Variants in SUPT5H observed in about 807,000 individuals in gnomAD.
SUPT5H encodes SPT5 homolog, DSIF elongation factor subunit, also known as transcription elongation factor SPT5.
Under a neutral mutation model 142.5 loss-of-function variants are expected in SUPT5H, and 24 were observed. That is an observed-to-expected ratio of 0.17 (90% confidence interval 0.12 to 0.24). The LOEUF is 0.24. Ranked by LOEUF, SUPT5H falls within the 10% of genes least tolerant of loss-of-function variation. The pLI is 1.00. For synonymous variants in SUPT5H, 546 were observed against 553.0 expected (o/e 0.99, Z 0.18); for missense variants, 893 against 1,471.8 (o/e 0.61, Z 6.43).
At chr19:39,475,594 G>A (rs1244709357) in intron 28 of SUPT5H, among the ~76,000 whole-genome samples, 4 of 152,128 alleles carry the variant, frequency 2.6e-5, no homozygotes, top group Admixed American at 1.3e-4. Flanking sequence ...TGGGACCCCA[G>A]GGGGAGGTTG....
rs143223072 is a variant in SUPT5H at position 39,458,341 on chromosome 19, T to G, written c.319+36T>G. The stretch of plus-strand genomic sequence containing the variant: ...GAAAAGTGTGATTCCCTGACCTTCC[T>G]CCCATATCCTGACATTTCCTCCTTC... On this transcript the variant is annotated intron_variant, in intron 5 of 29. Coordinates refer to ENST00000432763, the MANE Select transcript of SUPT5H (RefSeq NM_001111020.3). This position sits in a 1 kb window ranked among gnomAD's most constrained non-coding sequence, Gnocchi z 4.2. 473 of 1,394,716 alleles carry G rather than the reference T, an allele frequency of 3.4e-4. 2 individuals carry two copies. The East Asian group carries it at 0.016, about 47-fold the overall frequency. 86.4% of individuals were successfully genotyped at this position (1,394,716 alleles called of 1,614,324 possible).
chr19:39,470,379 GA>G lies in SUPT5H; in HGVS notation c.1535del (p.Lys512ArgfsTer42). ...LFSDLTMHEL[K>X]VLPRDLQLCS... ...ACCCCTTTCACCATCCCTGGCAGCT[GA>G]AGGTGCTCCCCCGGGACCTGCAGCT... On this transcript the variant is annotated frameshift_variant, in exon 18 of 30. Coordinates refer to ENST00000432763, the MANE Select transcript of SUPT5H (RefSeq NM_001111020.3). LOFTEE classifies it high-confidence loss of function. This position sits in a 1 kb window ranked among gnomAD's most constrained non-coding sequence, Gnocchi z 5.8. 1 of 1,564,428 alleles carries G rather than the reference GA, an allele frequency of 6.4e-7. No individual in the cohort carries two copies. The highest frequency in any genetic ancestry group is 8.7e-7 in the Non-Finnish European group (1 of 1,152,630).
rs747295729 is a variant in SUPT5H at position 39,461,821 on chromosome 19, CAAA to C, written c.624+1878_624+1880del. Among the ~76,000 whole-genome samples the C allele has an allele frequency of 3.5e-3, 445 of 128,394 alleles. 1 individual carries two copies. Among genetic ancestry groups the C allele is most frequent in the African/African-American group, 0.012 (421 of 36,262 alleles). The allele number at this position is 128,394 out of a possible 152,430, so 84.2% of individuals were successfully genotyped here. On this transcript the variant is annotated intron_variant, in intron 10 of 29. Coordinates refer to ENST00000432763, the MANE Select transcript of SUPT5H (RefSeq NM_001111020.3). The stretch of plus-strand genomic sequence containing the variant: ...CCTGGGCAACAGAGCGAGACTGTCT[CAAA>C]AAAAAAAAAAAAAAAATAATAATAA...
At chr19:39,467,101 G>A (rs1294770282) in intron 13 of SUPT5H, 1 of 170,270 alleles carries the variant, frequency 5.9e-6, no homozygotes, top group Non-Finnish European at 1.3e-5. Context: ...AGATTGATGA[G>A]GCTGGGCGTG....
chr19:39,460,513 A>C (rs1052251612), intron 10 of SUPT5H, among the ~76,000 whole-genome samples: 1 of 152,160 alleles, frequency 6.6e-6, no homozygotes, highest in Non-Finnish European at 1.5e-5. Context: ...TGAGGCAGGC[A>C]GATCACTTGA....
In SUPT5H at chr19:39,472,859, C is replaced by T. The variant is rs956713222; in HGVS notation, c.2085C>T (p.Ser695=). 1 of 1,613,736 alleles carries T rather than the reference C, an allele frequency of 6.2e-7. No individual in the cohort carries two copies. The highest frequency in any genetic ancestry group is 1.3e-5 in the African/African-American group (1 of 75,038). The change falls in exon 22 of 30, where the codon AGC becomes AGT. Residue 695 remains serine (S), a synonymous_variant. Coordinates refer to ENST00000432763, the MANE Select transcript of SUPT5H (RefSeq NM_001111020.3). The surrounding 1 kb of genome is among the most constrained non-coding windows in gnomAD (Gnocchi z 4.2). The part of the protein sequence containing the change: ...GSPGGGSGGM[S]RGRGRRDNEL... ...CAGGTGGCGGCAGTGGTGGCATGAG[C>T]AGGGGCCGGGGCCGGAGGGACAACG...
chr19:39,474,812 G>A lies in SUPT5H; in HGVS notation c.3024+94G>A. On this transcript the variant is annotated intron_variant, in intron 28 of 29. Transcript: ENST00000432763. The surrounding 1 kb of genome is among the most constrained non-coding windows in gnomAD (Gnocchi z 6.5). ...CCTGTCCCCAGATGGTGACAGCCCA[G>A]AGTGGGCAGAGCTGGGATTGAGGAA... 7.2e-7 allele frequency: 1 copy of A among 1,384,384 alleles called. No individual in the cohort carries two copies. The highest frequency in any genetic ancestry group is 9.9e-7 in the Non-Finnish European group (1 of 1,009,044). 85.8% of individuals were successfully genotyped at this position (1,384,384 alleles called of 1,614,324 possible).
At chr19:39,461,027 A>G (rs2079154027) in intron 10 of SUPT5H, among the ~76,000 whole-genome samples, 1 of 152,150 alleles carries the variant, frequency 6.6e-6, no homozygotes, top group Non-Finnish European at 1.5e-5. Context: ...CTGAATCTCC[A>G]GCACTTAGGG....
At chr19:39,448,287 A>G (rs571532216) in intron 2 of SUPT5H, among the ~76,000 whole-genome samples, 249 of 152,294 alleles carry the variant, frequency 1.6e-3, no homozygotes, top group Non-Finnish European at 1.7e-3. Flanking sequence ...TTGATTGCCA[A>G]TCTTTATTGT....
At chr19:39,460,514 G>C (rs1243426977) in intron 10 of SUPT5H, among the ~76,000 whole-genome samples, 1 of 152,196 alleles carries the variant, frequency 6.6e-6, no homozygotes, top group Non-Finnish European at 1.5e-5. Flanking sequence ...GAGGCAGGCA[G>C]ATCACTTGAG....
At position 39,470,802 on chromosome 19, in the gene SUPT5H, G is replaced by A. The variant is rs570761495; in HGVS notation, c.1677+279G>A. On this transcript the variant is annotated intron_variant, in intron 18 of 29. Coordinates refer to ENST00000432763, the MANE Select transcript of SUPT5H (RefSeq NM_001111020.3). The surrounding 1 kb of genome is among the most constrained non-coding windows in gnomAD (Gnocchi z 5.8). ...ATCTGTACCCTGGTGGCTGTTGCTCGCTCAAGGATGGAGTGCCACATGTGC... is the reference window on the plus strand; with the variant it reads ...ATCTGTACCCTGGTGGCTGTTGCTCACTCAAGGATGGAGTGCCACATGTGC... 6.6e-6 allele frequency among the ~76,000 whole-genome samples: 1 copy of A among 152,242 alleles called. No homozygotes were observed. The highest frequency in any genetic ancestry group is 2.4e-5 in the African/African-American group (1 of 41,528).
chr19:39,458,466 A>G lies in SUPT5H; in HGVS notation c.319+161A>G. 1.5e-6 allele frequency: 2 copies of G among 1,295,538 alleles called. No individual in the cohort carries two copies. The highest frequency in any genetic ancestry group is 2.1e-6 in the Non-Finnish European group (2 of 939,972). The allele number at this position is 1,295,538 out of a possible 1,614,324, so 80.3% of individuals were successfully genotyped here. On this transcript the variant is annotated intron_variant, in intron 5 of 29. Transcript: ENST00000432763. The surrounding 1 kb of genome is among the most constrained non-coding windows in gnomAD (Gnocchi z 4.2). ...TCCAGAGTCAGGGAGTTCTGGGGCC[A>G]GGTATACCCCAGTTGTTGACCTGGG...
At chr19:39,462,871 G>A (rs138522721) in intron 10 of SUPT5H, among the ~76,000 whole-genome samples, 9,056 of 115,554 alleles carry the variant, frequency 0.078, 413 homozygotes, top group Middle Eastern at 0.13. Context: ...ACAGAGTCTC[G>A]CACCGTTGCC....
At chr19:39,449,351 A>G (rs4803238) in intron 2 of SUPT5H, among the ~76,000 whole-genome samples, 52,544 of 151,820 alleles carry the variant, frequency 0.35, 9,349 homozygotes, top group Middle Eastern at 0.49. Context: ...CAAGGTTCCT[A>G]GAAATCAGCC....
At chr19:39,455,760 T>A (rs1474424199) in intron 3 of SUPT5H, among the ~76,000 whole-genome samples, 1 of 150,596 alleles carries the variant, frequency 6.6e-6, no homozygotes, top group Non-Finnish European at 1.5e-5. Flanking sequence ...GTAGCTGGGA[T>A]TACAGGTGCC....
Position 39,476,416 on chromosome 19 carries a change from G to A in SUPT5H, c.*17G>A, listed in dbSNP as rs1333784245. ...GAAGCCTGAAGCAGGCAGGGCCGGT[G>A]GACTTCGTCGGATGAAGAGTGATCC... On this transcript the variant is annotated 3_prime_UTR_variant, in exon 30 of 30. Transcript: ENST00000432763. 2 of 1,613,562 alleles carry A rather than the reference G, an allele frequency of 1.2e-6. No individual in the cohort carries two copies. The highest frequency in any genetic ancestry group is 1.1e-5 in the South Asian group (1 of 91,066).
At chr19:39,460,220 G>A (rs1167819006) in intron 10 of SUPT5H, 9 of 483,444 alleles carry the variant, frequency 1.9e-5, no homozygotes, top group African/African-American at 1.8e-4. Flanking sequence ...CTAGCTTCCT[G>A]CACCTTTTCT....
At position 39,473,633 on chromosome 19, in the gene SUPT5H, T is replaced by A; in HGVS notation, c.2492+112T>A. The A allele has an allele frequency of 8.0e-7, 1 of 1,252,302 alleles. No homozygotes were observed. The highest frequency in any genetic ancestry group is 1.1e-6 in the Non-Finnish European group (1 of 912,028). The allele number at this position is 1,252,302 out of a possible 1,614,324, so 77.6% of individuals were successfully genotyped here. ...GGGCCCACCCAGCATTCTCTGCTCC[T>A]AGCCTCAGGCTGGTCCCTTTGAAGG... On this transcript the variant is annotated intron_variant, in intron 25 of 29. Transcript: ENST00000432763. The surrounding 1 kb of genome is among the most constrained non-coding windows in gnomAD (Gnocchi z 5.8).
Position 39,472,352 on chromosome 19 carries a change from G to A in SUPT5H, c.1951-57G>A, listed in dbSNP as rs2079332477. The A allele has an allele frequency of 3.2e-6, 5 of 1,554,856 alleles. No homozygotes were observed. The highest frequency in any genetic ancestry group is 4.4e-6 in the Non-Finnish European group (5 of 1,128,082). On this transcript the variant is annotated intron_variant, in intron 20 of 29. Coordinates refer to ENST00000432763, the MANE Select transcript of SUPT5H (RefSeq NM_001111020.3). This position sits in a 1 kb window ranked among gnomAD's most constrained non-coding sequence, Gnocchi z 4.2. ...CCTGCACGTGGGATGATGAGTTCCT[G>A]TGGTTTGTGGTTCCCCCATCCCCTG... is the stretch of plus-strand genomic sequence containing the variant.
Sources: allele counts gnomAD v4.1 joint callset (sites outside exome capture counted in the v4.1 genomes callset), GRCh38; gene constraint gnomAD v4.1.1; non-coding constraint Gnocchi (gnomAD v3.1); transcripts MANE v1.5; gene names NCBI Gene and HGNC (gene_info 2026-07-23, HGNC 2026-07-21).